The following ARL6IP6 variants were observed in gnomAD, a reference collection of about 807,000 sequenced individuals.
ARL6IP6 encodes ARF like GTPase 6 interacting protein 6, also known as ADP-ribosylation factor-like protein 6-interacting protein 6.
In ARL6IP6, 22 loss-of-function variants were observed where a neutral mutation model predicts 21.5. The ratio of observed to expected loss-of-function variants is 1.02; its 90% CI spans 0.73 to 1.46. The LOEUF (loss-of-function observed/expected upper bound fraction) is 1.46. ARL6IP6 is among the 40% of genes most tolerant of loss of function. The pLI, the probability that ARL6IP6 is intolerant of heterozygous loss-of-function variation, is 0.00. For synonymous variants in ARL6IP6, 164 were observed against 125.3 expected (o/e 1.31, Z -2.06); for missense variants, 388 against 299.8 (o/e 1.29, Z -2.17).
intron 2 of ARL6IP6, among the ~76,000 whole-genome samples, chr2:152,728,843 G>C (rs1700166391): frequency 6.6e-6 from 1 of 152,114 alleles, no homozygotes; most frequent in South Asian, 2.1e-4. Flanking sequence ...GGCGGATCAT[G>C]AGGTCAAGAG....
At chr2:152,730,427 T>G (rs557616565) in intron 2 of ARL6IP6, among the ~76,000 whole-genome samples, 1 of 152,340 alleles carries the variant, frequency 6.6e-6, no homozygotes, top group South Asian at 2.1e-4. Flanking sequence ...TTGAGTAAAC[T>G]TGTCAATTAT....
At chr2:152,741,355 A>G (rs977926394) in intron 3 of ARL6IP6, among the ~76,000 whole-genome samples, 6 of 151,968 alleles carry the variant, frequency 3.9e-5, no homozygotes, top group South Asian at 2.1e-4. Flanking sequence ...CTGGTTTGTT[A>G]AAATAGTAGT....
intron 3 of ARL6IP6, among the ~76,000 whole-genome samples, chr2:152,758,267 A>G (rs185559811): frequency 3.3e-5 from 5 of 152,304 alleles, no homozygotes; most frequent in Admixed American, 3.3e-4. Context: ...TTGACAAGGG[A>G]AAAAAGTGTA....
At position 152,759,882 on chromosome 2, in the gene ARL6IP6, T is replaced by C. The variant is rs1342871841; in HGVS notation, c.*42T>C. The stretch of plus-strand genomic sequence containing the variant: ...TATTGTTGGCAAAACTTAATCATGA[T>C]TGTTTTGTAATAACAAGAAGGAGCA... On this transcript the variant is annotated 3_prime_UTR_variant, in exon 4 of 4. Transcript: ENST00000326446. The C allele has an allele frequency of 6.6e-7, 1 of 1,521,806 alleles. No homozygotes were observed. The highest frequency in any genetic ancestry group is 2.3e-5 in the East Asian group (1 of 44,364). 94.3% of individuals were successfully genotyped at this position (1,521,806 alleles called of 1,614,324 possible). A position where few individuals can be genotyped will look rare whatever the true frequency, so the allele number is the denominator to read the frequency against.
At chr2:152,750,029 T>C (rs550929872) in intron 3 of ARL6IP6, among the ~76,000 whole-genome samples, 3 of 152,354 alleles carry the variant, frequency 2.0e-5, no homozygotes, top group East Asian at 3.9e-4. Context: ...TAATTGACTC[T>C]TTGGGACTAA....
At chr2:152,719,799 G>T in intron 1 of ARL6IP6, 3 of 292,416 alleles carry the variant, frequency 1.0e-5, no homozygotes, top group Non-Finnish European at 2.1e-5. Context: ...TGTATGAAAA[G>T]CACCCAAAAC....
intron 3 of ARL6IP6, among the ~76,000 whole-genome samples, chr2:152,739,006 G>T (rs1476860626): frequency 1.3e-5 from 2 of 149,302 alleles, no homozygotes; most frequent in African/African-American, 4.9e-5. Context: ...TTTGGGAGAT[G>T]GAGTCTTGCT....
chr2:152,752,867 G>T (rs1396321970), intron 3 of ARL6IP6, among the ~76,000 whole-genome samples: 3 of 152,088 alleles, frequency 2.0e-5, no homozygotes, highest in Non-Finnish European at 4.4e-5. Context: ...TTGGCTTTAG[G>T]TTCCCTGCCC....
At chr2:152,724,188 G>A (rs368162356) in intron 2 of ARL6IP6, among the ~76,000 whole-genome samples, 2 of 150,584 alleles carry the variant, frequency 1.3e-5, no homozygotes, top group African/African-American at 4.9e-5. Context: ...CTGGGTTTCC[G>A]AATTGATTGG....
intron 2 of ARL6IP6, among the ~76,000 whole-genome samples, chr2:152,730,625 C>T (rs1357620992): frequency 1.3e-5 from 2 of 151,934 alleles, no homozygotes; most frequent in African/African-American, 4.8e-5. Flanking sequence ...GGTTGAGGTG[C>T]TAGAGGTGGA....
At chr2:152,747,387 A>G (rs902433384) in intron 3 of ARL6IP6, among the ~76,000 whole-genome samples, 1 of 152,126 alleles carries the variant, frequency 6.6e-6, no homozygotes, top group African/African-American at 2.4e-5. Flanking sequence ...TGTTTAGAAC[A>G]CTAAATCCCT....
At chr2:152,739,880 C>G (rs188397278) in intron 3 of ARL6IP6, among the ~76,000 whole-genome samples, 37 of 152,230 alleles carry the variant, frequency 2.4e-4, no homozygotes, top group Middle Eastern at 3.4e-3. Context: ...TGGCAGCAGG[C>G]AAGAGAGCAT....
chr2:152,749,761 A>G (rs946931624), intron 3 of ARL6IP6, among the ~76,000 whole-genome samples: 9 of 152,192 alleles, frequency 5.9e-5, no homozygotes, highest in Non-Finnish European at 1.0e-4. Context: ...AACCACTATC[A>G]GGGACTACAT....
upstream of ARL6IP6, chr2:152,717,675 T>C: frequency 7.2e-7 from 1 of 1,397,540 alleles, no homozygotes; most frequent in Non-Finnish European, 9.3e-7. Flanking sequence ...CTGCGCCGAG[T>C]CCTCCGTCGG....
upstream of ARL6IP6, chr2:152,718,480 C>T: frequency 8.2e-7 from 1 of 1,217,838 alleles, no homozygotes; most frequent in South Asian, 2.0e-5. Context: ...CTTTGCAACC[C>T]GCCGCCCACC....
intron 3 of ARL6IP6, among the ~76,000 whole-genome samples, chr2:152,736,061 A>T (rs1273791890): frequency 1.3e-5 from 2 of 152,106 alleles, no homozygotes; most frequent in Non-Finnish European, 2.9e-5. Flanking sequence ...TATTATGTAT[A>T]TGTATACATT....
intron 3 of ARL6IP6, among the ~76,000 whole-genome samples, chr2:152,747,640 A>G (rs1015659397): frequency 1.1e-4 from 16 of 151,170 alleles, no homozygotes; most frequent in South Asian, 2.1e-4. Context: ...CAGTGGCATG[A>G]TCTTGGCTCA....
chr2:152,756,606 CT>C (rs1251085524), intron 3 of ARL6IP6, among the ~76,000 whole-genome samples: 3 of 151,850 alleles, frequency 2.0e-5, no homozygotes, highest in African/African-American at 7.3e-5. Flanking sequence ...GTAAAGAACT[CT>C]ATAAACCAAT....
intron 2 of ARL6IP6, among the ~76,000 whole-genome samples, chr2:152,734,500 T>G (rs1229424439): frequency 6.6e-6 from 1 of 152,196 alleles, no homozygotes; most frequent in Admixed American, 6.5e-5. Flanking sequence ...TGAACTTTTT[T>G]TCTTTTTCGA....
Sources: allele counts gnomAD v4.1 joint callset (sites outside exome capture counted in the v4.1 genomes callset), GRCh38; gene constraint gnomAD v4.1.1; transcripts MANE v1.5; gene names NCBI Gene and HGNC (gene_info 2026-07-23, HGNC 2026-07-21).